Variants in F13A1 observed in about 807,000 individuals in gnomAD.
F13A1 encodes the protein coagulation factor XIII A chain.
Under a neutral mutation model 80.1 loss-of-function variants are expected in F13A1, and 47 were observed. The observed-to-expected ratio is 0.59, with a 90% CI of 0.46 to 0.75. F13A1 has a LOEUF of 0.75. Ranked by LOEUF, F13A1 falls within the 30% of genes least tolerant of loss-of-function variation. F13A1 has a pLI of 0.00. For missense variants in F13A1, 817 were observed against 930.4 expected (o/e 0.88, Z 1.59); for synonymous variants, 349 against 344.9 (o/e 1.01, Z -0.13).
intron 4 of F13A1, among the ~76,000 whole-genome samples, chr6:6,259,451 A>AAATT (rs1314723300): frequency 6.6e-6 from 1 of 152,226 alleles, no homozygotes; most frequent in Admixed American, 6.5e-5. Context: ...TCTTCATATT[A>AAATT]AATTAAATTG....
rs377359415 is a variant in F13A1, at chr6:6,239,440, T to C, written c.798+8872A>G. Among the ~76,000 whole-genome samples the C allele has an allele frequency of 1.9e-3, 287 of 152,176 alleles. 3 individuals carry two copies. Among genetic ancestry groups the C allele is most frequent in the African/African-American group, 6.6e-3 (274 of 41,468 alleles). ...TGAATTGTGCATTTAATATCCATGA[T>C]TTTTTACTGTATGTAAATTTTACTT... On this transcript the variant is annotated intron_variant, in intron 6 of 14. Coordinates refer to ENST00000264870, the MANE Select transcript of F13A1 (RefSeq NM_000129.4).
chr6:6,276,097 G>A (rs964406623), intron 3 of F13A1, among the ~76,000 whole-genome samples: 3 of 152,170 alleles, frequency 2.0e-5, no homozygotes, highest in African/African-American at 7.2e-5. Context: ...CTTATAGTTT[G>A]TCTCAGCAAC....
intron 2 of F13A1, 69 bp downstream of exon 2, chr6:6,318,466 C>T (rs1223999815): frequency 2.0e-6 from 3 of 1,535,820 alleles, no homozygotes; most frequent in African/African-American, 1.4e-5. Flanking sequence ...TGTTTACCTG[C>T]AGGGAAGAGG....
chr6:6,187,609 C>T (rs1456073282), intron 10 of F13A1, among the ~76,000 whole-genome samples: 1 of 117,430 alleles, frequency 8.5e-6, no homozygotes, highest in Non-Finnish European at 1.8e-5. Context: ...TGATGTGCTG[C>T]TGGATTTGGT....
At chr6:6,173,497 T>C (rs1760814125) in intron 12 of F13A1, among the ~76,000 whole-genome samples, 1 of 148,456 alleles carries the variant, frequency 6.7e-6, no homozygotes, top group Non-Finnish European at 1.5e-5. Flanking sequence ...AACCTCCGCC[T>C]CCCGGGTTCG....
chr6:6,242,387 G>C (rs1209338719), intron 6 of F13A1, among the ~76,000 whole-genome samples: 2 of 152,174 alleles, frequency 1.3e-5, no homozygotes, highest in African/African-American at 4.8e-5. Context: ...TATTAATGGG[G>C]ATTAATGATG....
rs562363024 is a variant in F13A1, at chr6:6,266,325, G to A, written c.571+233C>T. On this transcript the variant is annotated intron_variant, in intron 4 of 14. Coordinates refer to ENST00000264870, the MANE Select transcript of F13A1 (RefSeq NM_000129.4). ...TTGCTCACTGTAACCTCCAACTCCC[G>A]AACTCAAGCAATTCTCCCACTTCAG... 1.1e-3 allele frequency among the ~76,000 whole-genome samples: 174 copies of A among 152,210 alleles called. 3 individuals carry two copies. Among genetic ancestry groups the A allele is most frequent in the South Asian group, 8.9e-3 (43 of 4,830 alleles).
intron 10 of F13A1, among the ~76,000 whole-genome samples, chr6:6,185,333 T>G (rs2151078311): frequency 7.2e-6 from 1 of 138,296 alleles, no homozygotes; most frequent in East Asian, 2.2e-4. Flanking sequence ...CCTTCCTGTG[T>G]CCATGTGATC....
intron 8 of F13A1, among the ~76,000 whole-genome samples, chr6:6,198,915 G>A (rs1761341836): frequency 6.6e-6 from 1 of 152,204 alleles, no homozygotes; most frequent in African/African-American, 2.4e-5. Context: ...AGTGATGTTT[G>A]AGCTGAGGCT....
At chr6:6,230,122 C>T (rs138913368) in intron 6 of F13A1, among the ~76,000 whole-genome samples, 11 of 152,242 alleles carry the variant, frequency 7.2e-5, no homozygotes, top group African/African-American at 2.2e-4. Flanking sequence ...GGTGCAAATC[C>T]GGTGTGCAGA....
intron 8 of F13A1, among the ~76,000 whole-genome samples, chr6:6,211,013 G>T (rs1054428139): frequency 1.3e-5 from 2 of 152,236 alleles, no homozygotes; most frequent in Admixed American, 6.5e-5. Context: ...TTATAGGTGT[G>T]AGCCACCACG....
At chr6:6,303,281 T>G (rs1405075578) in intron 3 of F13A1, among the ~76,000 whole-genome samples, 1 of 152,224 alleles carries the variant, frequency 6.6e-6, no homozygotes, top group African/African-American at 2.4e-5. Flanking sequence ...AACTTTAAGA[T>G]TATTTTATAC....
At chr6:6,248,249 G>T in intron 6 of F13A1, 63 bp downstream of exon 6, 2 of 1,270,210 alleles carry the variant, frequency 1.6e-6, no homozygotes, top group Admixed American at 1.7e-5. Context: ...TTAATGAACT[G>T]GCATATATAC....
intron 6 of F13A1, among the ~76,000 whole-genome samples, chr6:6,235,513 G>A (rs1279506237): frequency 6.6e-6 from 1 of 151,942 alleles, no homozygotes; most frequent in East Asian, 1.9e-4. Context: ...AAATACGTGG[G>A]TGGCCAATCA....
In F13A1 at chr6:6,274,431, CT is replaced by C. The variant is rs535832478; in HGVS notation, c.320-7623del. Among the ~76,000 whole-genome samples the C allele has an allele frequency of 8.5e-5, 13 of 152,318 alleles. No individual in the cohort carries two copies. In the East Asian group the frequency reaches 2.3e-3, roughly 27 times the overall value. On this transcript the variant is annotated intron_variant, in intron 3 of 14. Transcript: ENST00000264870. Reference sequence around the variant, plus strand: ...GAAATCATAAGGCTGTCACCTGATGCTGACTACCTGGTCCCTGGCTTTAAGA... The same window carrying C: ...GAAATCATAAGGCTGTCACCTGATGCGACTACCTGGTCCCTGGCTTTAAGA...
At chr6:6,246,152 T>C (rs1033275980) in intron 6 of F13A1, among the ~76,000 whole-genome samples, 1 of 152,254 alleles carries the variant, frequency 6.6e-6, no homozygotes, top group Non-Finnish European at 1.5e-5. Flanking sequence ...ATTTTTTTTG[T>C]CTTTGTTCTT....
intron 7 of F13A1, 138 bp from the exon 8 acceptor site, chr6:6,222,309 A>T: frequency 8.2e-7 from 1 of 1,213,120 alleles, no homozygotes; most frequent in South Asian, 1.3e-5. Flanking sequence ...CAAATGTTCC[A>T]TGCTGGAAAA....
Position 6,217,520 on chromosome 6 carries a change from G to C in F13A1, c.1112+4513C>G, listed in dbSNP as rs934547191. On this transcript the variant is annotated intron_variant, in intron 8 of 14. Transcript: ENST00000264870. ...AGGAAGGGGAACATAACACTCTGCG[G>C]CCTGTTGTGGGGTGGGGGGAGGGGG... 2.8e-4 allele frequency among the ~76,000 whole-genome samples: 35 copies of C among 123,236 alleles called. 1 individual carries two copies. Among genetic ancestry groups the C allele is most frequent in the African/African-American group, 1.0e-3 (34 of 32,646 alleles). 80.8% of individuals were successfully genotyped at this position (123,236 alleles called of 152,430 possible).
intron 4 of F13A1, among the ~76,000 whole-genome samples, chr6:6,253,194 A>G (rs1757658509): frequency 6.6e-6 from 1 of 151,704 alleles, no homozygotes; most frequent in Admixed American, 6.6e-5. Flanking sequence ...ATAGCCAAAA[A>G]CTAATATGTT....
Sources: allele counts gnomAD v4.1 joint callset (sites outside exome capture counted in the v4.1 genomes callset), GRCh38; gene constraint gnomAD v4.1.1; transcripts MANE v1.5; gene names NCBI Gene and HGNC (gene_info 2026-07-23, HGNC 2026-07-21).